The following NLRP11 variants were observed in gnomAD, a reference collection of about 807,000 sequenced individuals.
NLRP11 encodes NLR family pyrin domain containing 11, also known as NACHT, LRR and PYD domains-containing protein 11.
A neutral mutation model predicts 79.3 loss-of-function variants in NLRP11; 53 were observed. The observed-to-expected ratio is 0.67, with a 90% CI of 0.54 to 0.84. NLRP11 has a LOEUF of 0.84. NLRP11 is among the 40% of genes least tolerant of loss of function. NLRP11 has a pLI of 0.00. For missense variants in NLRP11, 1,264 were observed against 1,255.0 expected, an observed-to-expected ratio of 1.01 and a Z score of -0.11; for synonymous variants, 518 against 462.6, an observed-to-expected ratio of 1.12 and a Z score of -1.54.
exon 10 of NLRP11, chr19:55,785,493 TCACACACACACACACACACACACACA>T (rs878891245): frequency 4.0e-5 from 17 of 424,532 alleles, no homozygotes; most frequent in African/African-American, 3.2e-4. Context: ...TGGATCAAGG[TCACACACACACACACACACACACACA>T]CACACACACA....
chr19:55,817,889 C>T lies in NLRP11; in HGVS notation c.271+15G>A, dbSNP rs200010075. On this transcript the variant is annotated intron_variant, in intron 2 of 9. Coordinates refer to ENST00000589093, the Ensembl canonical transcript of NLRP11. ...TGCCCTGATTTCTGCCCACCCTTCTCGTGACCCCACTCACGGTTTCGTCTG... is the reference window on the plus strand; with the variant it reads ...TGCCCTGATTTCTGCCCACCCTTCTTGTGACCCCACTCACGGTTTCGTCTG... The T allele has an allele frequency of 2.6e-5, 42 of 1,590,294 alleles. No homozygotes were observed. In the Admixed American group the frequency reaches 3.9e-4, roughly 15 times the overall value.
At chr19:55,816,894 T>C (rs1449750584) in intron 2 of NLRP11, among the ~76,000 whole-genome samples, 4 of 152,178 alleles carry the variant, frequency 2.6e-5, no homozygotes, top group Non-Finnish European at 4.4e-5. Context: ...ATCCAATCTA[T>C]CCCTGGTCCT....
At position 55,787,702 on chromosome 19, in the gene NLRP11, T is replaced by C. The variant is rs191518359; in HGVS notation, c.2855+1105A>G. ...ACTTTTTTGGTGAGCCTACATAGAATTGCTACTTCTGCCTTGCTAACAAAC... is the reference window on the plus strand; with the variant it reads ...ACTTTTTTGGTGAGCCTACATAGAACTGCTACTTCTGCCTTGCTAACAAAC... On this transcript the variant is annotated intron_variant, in intron 9 of 9. Transcript: ENST00000589093. Among the ~76,000 whole-genome samples, 171 of 152,290 alleles carry C rather than the reference T, an allele frequency of 1.1e-3. 2 individuals carry two copies. The highest frequency in any genetic ancestry group is 1.5e-3 in the East Asian group (8 of 5,192).
chr19:55,797,026 C>T (rs1978979801), intron 5 of NLRP11, among the ~76,000 whole-genome samples: 1 of 142,892 alleles, frequency 7.0e-6, no homozygotes, highest in Non-Finnish European at 1.5e-5. Flanking sequence ...ACCATCCTCC[C>T]TGATCTCCTC....
intron 1 of NLRP11, among the ~76,000 whole-genome samples, chr19:55,823,277 A>G (rs1413871480): frequency 2.2e-5 from 3 of 136,562 alleles, no homozygotes; most frequent in Non-Finnish European, 4.6e-5. Flanking sequence ...CACCATCATC[A>G]AAGACCAAAA....
chr19:55,802,920 A>G (rs1283657496), intron 4 of NLRP11, among the ~76,000 whole-genome samples: 1 of 152,010 alleles, frequency 6.6e-6, no homozygotes, highest in Non-Finnish European at 1.5e-5. Flanking sequence ...TGGAGAAAAG[A>G]CTCCCTTTTC....
At chr19:55,796,376 C>T (rs996187470) in intron 5 of NLRP11, 126 bp from the exon 6 acceptor site, 4 of 766,654 alleles carry the variant, frequency 5.2e-6, no homozygotes, top group South Asian at 3.8e-5. Context: ...ATAAATAGAT[C>T]CCTTTGCTTC....
upstream of NLRP11, among the ~76,000 whole-genome samples, chr19:55,834,213 A>G (rs1032837388): frequency 6.6e-6 from 1 of 152,222 alleles, no homozygotes; most frequent in African/African-American, 2.4e-5. Context: ...ACCACAAACT[A>G]GGAGGAGATA....
intron 9 of NLRP11, among the ~76,000 whole-genome samples, chr19:55,786,122 A>C (rs1259504724): frequency 6.6e-6 from 1 of 152,262 alleles, no homozygotes; most frequent in Non-Finnish European, 1.5e-5. Flanking sequence ...AACCAACGCC[A>C]CTACGTGCTC....
At position 55,809,319 on chromosome 19, in the gene NLRP11, G is replaced by T; in HGVS notation, c.1291C>A (p.Gln431Lys). Residue 431 changes from glutamine (Q) to lysine (K), a missense_variant, in exon 3 of 10, where the codon CAG (glutamine) becomes AAG (lysine). By Grantham distance (53) the Gln-to-Lys change is moderately conservative. Transcript: ENST00000589093. The surrounding 1 kb of genome is among the most constrained non-coding windows in gnomAD (Gnocchi z 4.5). ...CTCGGCAAAAGAATATTCGCGGCCT[G>T]CAACACAGAGACATCAGCCTCAGTA... 1 of 1,614,046 alleles carries T rather than the reference G, an allele frequency of 6.2e-7. No individual in the cohort carries two copies. Among genetic ancestry groups the T allele is most frequent in the Non-Finnish European group, 8.5e-7 (1 of 1,179,936 alleles).
intron 7 of NLRP11, among the ~76,000 whole-genome samples, chr19:55,791,919 T>C (rs1990256374): frequency 6.6e-6 from 1 of 152,172 alleles, no homozygotes; most frequent in Non-Finnish European, 1.5e-5. Context: ...AACAGAAAGA[T>C]GCCCCCATGA....
chr19:55,821,777 A>C (rs1360420767), intron 1 of NLRP11, among the ~76,000 whole-genome samples: 6 of 151,598 alleles, frequency 4.0e-5, no homozygotes, highest in Non-Finnish European at 5.9e-5. Context: ...GTGATGGGAG[A>C]ACCCATTAAC....
chr19:55,805,538 GT>G (rs72058432), intron 4 of NLRP11, among the ~76,000 whole-genome samples: 17 of 147,328 alleles, frequency 1.2e-4, no homozygotes, highest in Admixed American at 1.3e-4. Context: ...TTAAGGTTTT[GT>G]TTTTTTTTTT....
chr19:55,816,008 T>A (rs550396397), intron 2 of NLRP11, among the ~76,000 whole-genome samples: 1 of 152,228 alleles, frequency 6.6e-6, no homozygotes, highest in Admixed American at 6.5e-5. Context: ...GCCAGAAGCC[T>A]GTGAGTCATA....
At chr19:55,787,885 C>T (rs931313826) in intron 9 of NLRP11, among the ~76,000 whole-genome samples, 5 of 152,166 alleles carry the variant, frequency 3.3e-5, no homozygotes, top group Admixed American at 2.0e-4. Flanking sequence ...CTGAATTCTG[C>T]CAACAACCAC....
At chr19:55,814,679 A>G (rs986467359) in intron 2 of NLRP11, among the ~76,000 whole-genome samples, 12 of 152,230 alleles carry the variant, frequency 7.9e-5, no homozygotes, top group African/African-American at 2.9e-4. Flanking sequence ...TAAAATATCT[A>G]AAATATGAAG....
intron 4 of NLRP11, among the ~76,000 whole-genome samples, chr19:55,802,385 A>C (rs953917684): frequency 6.6e-6 from 1 of 152,224 alleles, no homozygotes; most frequent in South Asian, 2.1e-4. Context: ...AACGACAGCC[A>C]AGCTGAGAGC....
intron 4 of NLRP11, among the ~76,000 whole-genome samples, chr19:55,802,993 C>A (rs1017202961): frequency 1.3e-5 from 2 of 152,146 alleles, no homozygotes; most frequent in Non-Finnish European, 1.5e-5. Context: ...ATGCCTTCTT[C>A]ACACCACATA....
At chr19:55,785,743 G>C (rs761117440) in exon 10 of NLRP11, 1 of 1,614,100 alleles carries the variant, frequency 6.2e-7, no homozygotes. Flanking sequence ...CTGAGAAGCA[G>C]GTGTCACACC....
Sources: allele counts gnomAD v4.1 joint callset (sites outside exome capture counted in the v4.1 genomes callset), GRCh38; gene constraint gnomAD v4.1.1; non-coding constraint Gnocchi (gnomAD v3.1); transcripts MANE v1.5; gene names NCBI Gene and HGNC (gene_info 2026-07-23, HGNC 2026-07-21).